CEP95: variants seen among roughly 807,000 people sequenced by gnomAD.
CEP95 encodes centrosomal protein of 95 kDa.
A neutral mutation model predicts 111.2 loss-of-function variants in CEP95; 98 were observed. The ratio of observed to expected loss-of-function variants is 0.88; its 90% CI spans 0.75 to 1.04. CEP95 has a LOEUF of 1.04. Among genes scored for constraint, CEP95 ranks in the 50% least tolerant of loss-of-function variants. The pLI is 0.00. For missense variants in CEP95, 1,027 were observed against 977.2 expected, an observed-to-expected ratio of 1.05 and a Z score of -0.68; for synonymous variants, 323 against 327.1, an observed-to-expected ratio of 0.99 and a Z score of 0.14.
rs1387765183 is a variant in CEP95 at position 64,516,787 on chromosome 17, T to C, written c.432T>C (p.Thr144=). The change falls in exon 5 of 20, where the codon ACT becomes ACC. Residue 144 remains threonine (T), a synonymous_variant. Transcript: ENST00000556440. ...AACGTTTGGAAGAGCCAGAAAGTAC[T>C]AAAGAATCTAAATCATCATGGAAAA... ...RGERLEEPES[T]KESKSSWKRV... The C allele has an allele frequency of 3.1e-6, 5 of 1,611,110 alleles. No individual in the cohort carries two copies. The highest frequency in any genetic ancestry group is 4.2e-6 in the Non-Finnish European group (5 of 1,177,496).
At chr17:64,527,363 G>C in intron 11 of CEP95, 99 bp downstream of exon 11, 1 of 906,050 alleles carries the variant, frequency 1.1e-6, no homozygotes, top group Non-Finnish European at 1.5e-6. Flanking sequence ...TTAAATAGTT[G>C]AGAAATATAT....
In CEP95 at chr17:64,537,491, GATT is replaced by G. The variant is rs1457672019; in HGVS notation, c.2290-108_2290-106del. ...GTCTCTGTAAGAGCTGCTGTTGCTA[GATT>G]ATTGAAAATTTTGGAGGAGTTTGAT... On this transcript the variant is annotated intron_variant, in intron 19 of 19. Coordinates refer to ENST00000556440, the MANE Select transcript of CEP95 (RefSeq NM_138363.3). 2.9e-5 allele frequency: 41 copies of G among 1,434,976 alleles called. No individual in the cohort carries two copies. The African/African-American group carries it at 5.3e-4, about 18-fold the overall frequency. 88.9% of individuals were successfully genotyped at this position (1,434,976 alleles called of 1,614,324 possible).
Sources: gnomAD v4.1 joint callset for allele counts on GRCh38, gnomAD v4.1.1 for gene constraint, MANE v1.5 for transcripts, NCBI Gene and HGNC (gene_info 2026-07-23, HGNC 2026-07-21) for gene names.